Variants in TENM4 observed in about 807,000 individuals in gnomAD.
TENM4 encodes the protein teneurin transmembrane protein 4, also known as teneurin-4.
In TENM4, 82 loss-of-function variants were observed where a neutral mutation model predicts 243.3. The observed-to-expected ratio is 0.34, with a 90% CI of 0.28 to 0.40. TENM4 has a LOEUF of 0.40. Among genes scored for constraint, TENM4 ranks in the 10% least tolerant of loss-of-function variants. TENM4 has a pLI of 1.00. For missense variants in TENM4, 3,138 were observed against 3,673.3 expected (o/e 0.85, Z 3.77); for synonymous variants, 1,412 against 1,456.3 (o/e 0.97, Z 0.69).
At chr11:78,836,878 T>G (rs555378476) in intron 12 of TENM4, among the ~76,000 whole-genome samples, 2 of 152,346 alleles carry the variant, frequency 1.3e-5, no homozygotes, top group Admixed American at 1.3e-4. Flanking sequence ...AATATTTATA[T>G]GCATACAGGT....
intron 28 of TENM4, among the ~76,000 whole-genome samples, chr11:78,689,463 C>G (rs763209828): frequency 2.0e-5 from 3 of 148,966 alleles, no homozygotes; most frequent in Non-Finnish European, 4.5e-5. Flanking sequence ...TACTTCAGGT[C>G]TCCCTACTGG....
At chr11:79,171,264 T>C (rs1481006796) in intron 3 of TENM4, among the ~76,000 whole-genome samples, 1 of 152,178 alleles carries the variant, frequency 6.6e-6, no homozygotes, top group East Asian at 1.9e-4. Flanking sequence ...TCACCCAGTA[T>C]ATGGTATTTG....
chr11:79,026,902 G>A lies in TENM4; in HGVS notation c.493+37836C>T, dbSNP rs145794233. 2.4e-3 allele frequency among the ~76,000 whole-genome samples: 365 copies of A among 152,244 alleles called. 1 individual carries two copies. The highest frequency in any genetic ancestry group is 8.3e-3 in the African/African-American group (343 of 41,538). On this transcript the variant is annotated intron_variant, in intron 6 of 33. Transcript: ENST00000278550. ...TTCCATCCAAACAACCCTGTGCAAA[G>A]CTGGCCACTCTATATAGATTCTAAC...
chr11:79,012,461 G>A lies in TENM4; in HGVS notation c.493+52277C>T, dbSNP rs61572486. On this transcript the variant is annotated intron_variant, in intron 6 of 33. Coordinates refer to ENST00000278550, the MANE Select transcript of TENM4 (RefSeq NM_001098816.3). ...CAGGCAGTTCCCTCATTTGATCTTTGTAATAACCCTGAGCCCAGGAGAGTA... is the reference window on the plus strand; with the variant it reads ...CAGGCAGTTCCCTCATTTGATCTTTATAATAACCCTGAGCCCAGGAGAGTA... Among the ~76,000 whole-genome samples, 399 of 152,246 alleles carry A rather than the reference G, an allele frequency of 2.6e-3. 1 individual carries two copies. Among genetic ancestry groups the A allele is most frequent in the African/African-American group, 9.0e-3 (372 of 41,548 alleles).
chr11:78,686,191 A>G (rs1858664566), intron 29 of TENM4, among the ~76,000 whole-genome samples: 2 of 152,138 alleles, frequency 1.3e-5, no homozygotes, highest in Admixed American at 1.3e-4. Flanking sequence ...ACATTTCTAC[A>G]TGGTTGTCAA....
intron 27 of TENM4, 27 bp downstream of exon 27, chr11:78,708,334 G>C: frequency 6.2e-7 from 1 of 1,613,058 alleles, no homozygotes; most frequent in Non-Finnish European, 8.5e-7. Flanking sequence ...GGCAGTCCCA[G>C]GGCTTTGGTA....
intron 6 of TENM4, among the ~76,000 whole-genome samples, chr11:79,030,291 G>A (rs569052964): frequency 2.1e-4 from 32 of 152,252 alleles, no homozygotes; most frequent in African/African-American, 6.5e-4. Flanking sequence ...ATTGAGCCTC[G>A]AAGAAGTGAA....
At position 78,923,693 on chromosome 11, in the gene TENM4, C is replaced by CTTTTTTT. The variant is rs1172776088; in HGVS notation, c.494-20177_494-20171dup. ...GCTGGGATGACAGGCATGCACCTGG[C>CTTTTTTT]TTTTTTTTTTTTTTTTTTTTTTTTA... On this transcript the variant is annotated intron_variant, in intron 6 of 33. Coordinates refer to ENST00000278550, the MANE Select transcript of TENM4 (RefSeq NM_001098816.3). Among the ~76,000 whole-genome samples, 287 of 53,674 alleles carry CTTTTTTT rather than the reference C, an allele frequency of 5.3e-3. 54 individuals carry two copies. The highest frequency in any genetic ancestry group is 0.022 in the Admixed American group (65 of 2,918). 35.2% of individuals were successfully genotyped at this position (53,674 alleles called of 152,430 possible).
intron 1 of TENM4, among the ~76,000 whole-genome samples, chr11:79,373,204 AGATGCATGGGTGGGTT>A (rs1857820223): frequency 6.6e-6 from 1 of 152,170 alleles, no homozygotes; most frequent in African/African-American, 2.4e-5. Context: ...ATGGATGGAT[AGATGCATGGGTGGGTT>A]GATGCTTGGC....
rs571939527 is a variant in TENM4, at chr11:78,725,969, A to G, written c.3550+110T>C. 157 of 1,443,668 alleles carry G rather than the reference A, an allele frequency of 1.1e-4. No homozygotes were observed. The East Asian group carries it at 1.7e-3, about 16-fold the overall frequency. The allele number at this position is 1,443,668 out of a possible 1,614,324, so 89.4% of individuals were successfully genotyped here. On this transcript the variant is annotated intron_variant, in intron 23 of 33. Transcript: ENST00000278550. ...TCTGTTGACTGAGCTCTCTGACCAC[A>G]TAGGAGCCTATGGGATTCAAAATGT...
chr11:79,182,620 A>C (rs1447540048), intron 3 of TENM4, among the ~76,000 whole-genome samples: 1 of 152,198 alleles, frequency 6.6e-6, no homozygotes, highest in Non-Finnish European at 1.5e-5. Flanking sequence ...TGATATGATG[A>C]GAATGAGAAG....
intron 1 of TENM4, among the ~76,000 whole-genome samples, chr11:79,360,245 T>A (rs995460124): frequency 6.6e-6 from 1 of 152,238 alleles, no homozygotes; most frequent in African/African-American, 2.4e-5. Context: ...GGGCTGGGCA[T>A]ACAACAAATG....
intron 1 of TENM4, among the ~76,000 whole-genome samples, chr11:79,387,188 A>G (rs938402833): frequency 6.6e-6 from 1 of 152,230 alleles, no homozygotes; most frequent in African/African-American, 2.4e-5. Flanking sequence ...ATTAAATTAT[A>G]AAATGGGCCA....
intron 1 of TENM4, among the ~76,000 whole-genome samples, chr11:79,390,163 G>A (rs143190506): frequency 6.6e-6 from 1 of 152,320 alleles, no homozygotes; most frequent in Non-Finnish European, 1.5e-5. Context: ...TAAAGGAAGA[G>A]GAAATAGTGC....
intron 2 of TENM4, among the ~76,000 whole-genome samples, chr11:79,217,711 C>A (rs1001271771): frequency 2.0e-5 from 3 of 152,036 alleles, no homozygotes; most frequent in Non-Finnish European, 4.4e-5. Context: ...TCTTGAACTA[C>A]CTTCAGGGTA....
chr11:78,882,206 T>A (rs1855447681), intron 9 of TENM4, among the ~76,000 whole-genome samples: 2 of 152,154 alleles, frequency 1.3e-5, no homozygotes, highest in African/African-American at 4.8e-5. Context: ...GCATCTGAGA[T>A]CCTGATATTG....
chr11:79,362,913 T>C (rs1857615210), intron 1 of TENM4, among the ~76,000 whole-genome samples: 1 of 152,224 alleles, frequency 6.6e-6, no homozygotes, highest in African/African-American at 2.4e-5. Flanking sequence ...CACCTTCTTG[T>C]TCCAAAGAAT....
chr11:79,356,630 G>T (rs574914796), intron 1 of TENM4, among the ~76,000 whole-genome samples: 1 of 152,008 alleles, frequency 6.6e-6, no homozygotes, highest in South Asian at 2.1e-4. Flanking sequence ...GTCATTCAGA[G>T]GATCAAGAAA....
intron 28 of TENM4, among the ~76,000 whole-genome samples, chr11:78,693,271 T>C (rs1402462766): frequency 2.6e-5 from 4 of 152,198 alleles, no homozygotes; most frequent in Admixed American, 1.3e-4. Flanking sequence ...CATCATCATC[T>C]TCTGATGTAG....
Sources: allele counts gnomAD v4.1 joint callset (sites outside exome capture counted in the v4.1 genomes callset), GRCh38; gene constraint gnomAD v4.1.1; transcripts MANE v1.5; gene names NCBI Gene and HGNC (gene_info 2026-07-23, HGNC 2026-07-21).